Variants in TLE3 observed in about 807,000 individuals in gnomAD.
TLE3 encodes TLE family member 3, transcriptional corepressor, also known as transducin-like enhancer protein 3.
In TLE3, 14 loss-of-function variants were observed where a neutral mutation model predicts 93.0. That is an observed-to-expected ratio of 0.15 (90% CI 0.10 to 0.24). TLE3 has a LOEUF of 0.24. Ranked by LOEUF, TLE3 falls within the 10% of genes least tolerant of loss-of-function variation. The pLI, the probability that TLE3 is intolerant of heterozygous loss-of-function variation, is 1.00. For synonymous variants in TLE3, 451 were observed against 425.0 expected, an observed-to-expected ratio of 1.06 and a Z score of -0.75; for missense variants, 693 against 1,046.6, an observed-to-expected ratio of 0.66 and a Z score of 4.66.
intron 4 of TLE3, 111 bp downstream of exon 4, chr15:70,094,421 G>A (rs961391924): frequency 9.8e-6 from 8 of 816,938 alleles, no homozygotes; most frequent in Non-Finnish European, 1.4e-5. Flanking sequence ...CAAGGAGAAG[G>A]GGGAGGAATC....
chr15:70,096,113 G>GACC, intron 2 of TLE3, 48 bp downstream of exon 2: 1 of 1,529,598 alleles, frequency 6.5e-7, no homozygotes, highest in Non-Finnish European at 8.8e-7. Flanking sequence ...GCCGCGCAGG[G>GACC]GACCCACCCC....
rs747376693 is a variant in TLE3 at position 70,058,253 on chromosome 15, T to C, written c.957A>G (p.Thr319=). The C allele has an allele frequency of 6.2e-7, 1 of 1,613,084 alleles. No individual in the cohort carries two copies. Among genetic ancestry groups the C allele is most frequent in the Non-Finnish European group, 8.5e-7 (1 of 1,179,518 alleles). ...KSSTPGLKSN[T]PTPRNDAPTP... ...TTGGGGCGTCGTTCCTTGGGGTTGG[T>C]GTGTTGGACTTGAGCCCAGGGGTGG... The change falls in exon 12 of 20, where the codon ACA becomes ACG. Residue 319 remains threonine, a synonymous_variant. Transcript: ENST00000451782. This position sits in a 1 kb window ranked among gnomAD's most constrained non-coding sequence, Gnocchi z 4.1.
rs1183832889 is a variant in TLE3, at chr15:70,097,101, G to A, written c.-303C>T. ...CCGGCCGCCTTCCCTGGGCTGCGTC[G>A]AGCGCGTCAATGCCTGGGACTGCGC... On this transcript the variant is annotated 5_prime_UTR_variant, in exon 1 of 20. Coordinates refer to ENST00000451782, the MANE Select transcript of TLE3 (RefSeq NM_001105192.3). The A allele has an allele frequency of 1.7e-5, 8 of 469,938 alleles. No homozygotes were observed. Among genetic ancestry groups the A allele is most frequent in the Non-Finnish European group, 2.9e-5 (8 of 273,320 alleles). The allele number at this position is 469,938 out of a possible 1,614,324, so 29.1% of individuals were successfully genotyped here. A position where few individuals can be genotyped will look rare whatever the true frequency, so the allele number is the denominator to read the frequency against.
rs114653354 is a variant in TLE3 at position 70,060,516 on chromosome 15, C to T, written c.714+14G>A. The T allele has an allele frequency of 8.4e-4, 1,354 of 1,613,276 alleles. 7 individuals carry two copies. The African/African-American group carries it at 0.017, about 20-fold the overall frequency. ...AACAGAAACCCCAGTGGTGCCATGGCGCCTTGGACGTACGTATCGGCTCAA... is the reference window on the plus strand; with the variant it reads ...AACAGAAACCCCAGTGGTGCCATGGTGCCTTGGACGTACGTATCGGCTCAA... On this transcript the variant is annotated intron_variant, in intron 9 of 19. Coordinates refer to ENST00000451782, the MANE Select transcript of TLE3 (RefSeq NM_001105192.3).
At chr15:70,050,565 G>C (rs1195211020) in intron 19 of TLE3, 1 of 174,064 alleles carries the variant, frequency 5.7e-6, no homozygotes, top group Non-Finnish European at 1.2e-5. Flanking sequence ...TTCCAAGCTA[G>C]GAGCTGGCGT....
intron 6 of TLE3, among the ~76,000 whole-genome samples, chr15:70,072,125 C>A (rs2057213775): frequency 6.6e-6 from 1 of 152,144 alleles, no homozygotes; most frequent in Admixed American, 6.5e-5. Flanking sequence ...AAGCAATTAC[C>A]TTGAAAATGG....
intron 4 of TLE3, among the ~76,000 whole-genome samples, chr15:70,085,951 C>T (rs995383035): frequency 6.6e-6 from 1 of 152,194 alleles, no homozygotes; most frequent in Admixed American, 6.5e-5. Flanking sequence ...AGAGAGAGAT[C>T]AGAGGAAGGG....
In TLE3 at chr15:70,054,575, G is replaced by C; in HGVS notation, c.1689C>G (p.Pro563=). ...LTIWDLASPT[P]RIKAELTSSA... ...AGGACGTCAGCTCGGCCTTGATGCG[G>C]GGCGTGGGCGAGGCCAGGTCCCAGA... Residue 563 remains proline (P), a synonymous_variant, in exon 16 of 20, where the codon CCC becomes CCG. Coordinates refer to ENST00000451782, the MANE Select transcript of TLE3 (RefSeq NM_001105192.3). The C allele has an allele frequency of 6.2e-7, 1 of 1,613,832 alleles. No homozygotes were observed. The highest frequency in any genetic ancestry group is 8.5e-7 in the Non-Finnish European group (1 of 1,179,820).
At chr15:70,052,244 G>C in intron 18 of TLE3, 130 bp downstream of exon 18, 1 of 1,171,498 alleles carries the variant, frequency 8.5e-7, no homozygotes, top group Middle Eastern at 3.0e-4. Context: ...CACCAGCTCA[G>C]GGGTCAGGAG....
chr15:70,070,603 G>A (rs529759931), intron 6 of TLE3, among the ~76,000 whole-genome samples: 2 of 152,146 alleles, frequency 1.3e-5, no homozygotes, highest in Non-Finnish European at 2.9e-5. Context: ...GAGCTTCTGG[G>A]GTTGGTAATA....
chr15:70,056,211 G>A (rs2056009744), intron 14 of TLE3, 87 bp downstream of exon 14: 2 of 1,407,110 alleles, frequency 1.4e-6, no homozygotes, highest in South Asian at 2.3e-5. Context: ...CCTTGGTCAG[G>A]GGATGAGGGG....
intron 4 of TLE3, among the ~76,000 whole-genome samples, chr15:70,079,909 G>A (rs2057675959): frequency 6.6e-6 from 1 of 152,198 alleles, no homozygotes; most frequent in South Asian, 2.1e-4. Flanking sequence ...CTACCAAGAA[G>A]CCAAATTTTG....
chr15:70,066,284 G>A, intron 6 of TLE3, 66 bp from the exon 7 acceptor site: 1 of 1,301,736 alleles, frequency 7.7e-7, no homozygotes. Context: ...GCCACCTCAG[G>A]AGGGAGGGAG....
chr15:70,097,660 G>A lies in TLE3; in HGVS notation c.-862C>T. 2.5e-6 allele frequency: 1 copy of A among 398,010 alleles called. No individual in the cohort carries two copies. Among genetic ancestry groups the A allele is most frequent in the South Asian group, 1.2e-4 (1 of 8,054 alleles). The allele number at this position is 398,010 out of a possible 1,614,324, so 24.7% of individuals were successfully genotyped here. A position where few individuals can be genotyped will look rare whatever the true frequency, so the allele number is the denominator to read the frequency against. The stretch of plus-strand genomic sequence containing the variant: ...GCCGCTGCCGCGTCGGAGCGCACAG[G>A]CAGGAGAGCGCTGGAGGGGAGACGC... On this transcript the variant is annotated 5_prime_UTR_variant, in exon 1 of 20. Coordinates refer to ENST00000451782, the MANE Select transcript of TLE3 (RefSeq NM_001105192.3).
At chr15:70,054,272 C>T (rs912935975) in intron 16 of TLE3, 166 bp downstream of exon 16, 2 of 989,848 alleles carry the variant, frequency 2.0e-6, no homozygotes, top group South Asian at 3.6e-5. Flanking sequence ...CTGTCCCTCG[C>T]ATAAGGCAGG....
chr15:70,080,257 G>C (rs2057702470), intron 4 of TLE3, among the ~76,000 whole-genome samples: 1 of 152,180 alleles, frequency 6.6e-6, no homozygotes, highest in Admixed American at 6.5e-5. Flanking sequence ...CACTGCTTTT[G>C]AGCCAGGTCT....
chr15:70,090,955 G>C (rs2058279471), intron 4 of TLE3, among the ~76,000 whole-genome samples: 1 of 152,154 alleles, frequency 6.6e-6, no homozygotes, highest in Non-Finnish European at 1.5e-5. Context: ...AGTAATTAAA[G>C]ACACAGAATA....
chr15:70,066,265 G>C, intron 6 of TLE3, 47 bp from the exon 7 acceptor site: 1 of 1,436,098 alleles, frequency 7.0e-7, no homozygotes, highest in Middle Eastern at 2.1e-4. Flanking sequence ...GGAGGGCAGG[G>C]GAGGCGTGGC....
Position 70,097,674 on chromosome 15 carries a change from G to A in TLE3, c.-876C>T, listed in dbSNP as rs1211345881. On this transcript the variant is annotated 5_prime_UTR_variant, in exon 1 of 20. Transcript: ENST00000451782. ...GGAGCGCACAGGCAGGAGAGCGCTG[G>A]AGGGGAGACGCAGCCCGAGACCGGG... 2 of 397,838 alleles carry A rather than the reference G, an allele frequency of 5.0e-6. No individual in the cohort carries two copies. The highest frequency in any genetic ancestry group is 8.9e-6 in the Non-Finnish European group (2 of 225,506). The allele number at this position is 397,838 out of a possible 1,614,324, so 24.6% of individuals were successfully genotyped here. A position where few individuals can be genotyped will look rare whatever the true frequency, so the allele number is the denominator to read the frequency against.
Sources: gnomAD v4.1 joint callset for allele counts (sites outside exome capture counted in the v4.1 genomes callset) on GRCh38, gnomAD v4.1.1 for gene constraint, Gnocchi (gnomAD v3.1) non-coding constraint, MANE v1.5 for transcripts, NCBI Gene and HGNC (gene_info 2026-07-23, HGNC 2026-07-21) for gene names.